Variants in DOCK2 observed in about 807,000 individuals in gnomAD.
DOCK2 encodes the protein dedicator of cytokinesis protein 2.
DOCK2 carries 87 observed loss-of-function variants against 248.9 expected under a neutral mutation model. The observed-to-expected ratio is 0.35, with a 90% CI of 0.29 to 0.42. The LOEUF (loss-of-function observed/expected upper bound fraction) is 0.42. Ranked by LOEUF, DOCK2 falls within the 10% of genes least tolerant of loss-of-function variation. The pLI, the probability that DOCK2 is intolerant of heterozygous loss-of-function variation, is 1.00. For synonymous variants in DOCK2, 805 were observed against 821.6 expected (o/e 0.98, Z 0.35); for missense variants, 1,747 against 2,300.2 (o/e 0.76, Z 4.92).
chr5:169,877,270 C>T (rs1385411737), intron 27 of DOCK2, among the ~76,000 whole-genome samples: 1 of 152,164 alleles, frequency 6.6e-6, no homozygotes, highest in Non-Finnish European at 1.5e-5. Context: ...GGGGGAGTGA[C>T]ATGGTCAGAT....
chr5:170,073,812 G>A (rs1017348608), intron 46 of DOCK2, among the ~76,000 whole-genome samples: 2 of 151,870 alleles, frequency 1.3e-5, no homozygotes, highest in Non-Finnish European at 2.9e-5. Flanking sequence ...TCCTAATATT[G>A]GTTATTAGTA....
chr5:169,747,936 A>T (rs1342216542), intron 23 of DOCK2, among the ~76,000 whole-genome samples: 1 of 152,246 alleles, frequency 6.6e-6, no homozygotes, highest in African/African-American at 2.4e-5. Context: ...TAATCTGTGA[A>T]GACTGCAAAT....
At chr5:169,721,270 A>C (rs1009468982) in intron 22 of DOCK2, among the ~76,000 whole-genome samples, 1 of 152,218 alleles carries the variant, frequency 6.6e-6, no homozygotes, top group African/African-American at 2.4e-5. Flanking sequence ...CATCACTGAC[A>C]TTTGGTCAGG....
At chr5:170,049,719 C>T (rs956303) in intron 40 of DOCK2, among the ~76,000 whole-genome samples, 40,285 of 152,084 alleles carry the variant, frequency 0.26, 5,802 homozygotes, top group African/African-American at 0.38. Flanking sequence ...AACCAAAAAA[C>T]GTTTCCAGAT....
At position 170,080,176 on chromosome 5, in the gene DOCK2, A is replaced by C; in HGVS notation, c.5180A>C (p.His1727Pro). 1 of 1,614,062 alleles carries C rather than the reference A, an allele frequency of 6.2e-7. No homozygotes were observed. Among genetic ancestry groups the C allele is most frequent in the Non-Finnish European group, 8.5e-7 (1 of 1,179,976 alleles). The change falls in exon 50 of 52, where the codon CAT becomes CCT. Residue 1727 changes from histidine (H) to proline (P), a missense_variant. This residue lies in a region of DOCK2 where 513 missense variants were observed against 586.1 expected (regional missense o/e 0.88). Transcript: ENST00000520908. Reference protein sequence around the residue: ...ESDLKRLSRKHEFMSDTNLSE... With the variant: ...ESDLKRLSRKPEFMSDTNLSE... ...GTATTCCTCCAGCTTTCCAGGAAGC[A>C]TGAGTTCATGAGTGACACCAACCTC...
chr5:169,755,907 C>T (rs551981755), intron 23 of DOCK2, among the ~76,000 whole-genome samples: 38 of 152,280 alleles, frequency 2.5e-4, no homozygotes, highest in Non-Finnish European at 5.0e-4. Context: ...TGCCTGTTGT[C>T]ACCTGCCCCA....
At chr5:170,080,036 G>T in intron 49 of DOCK2, 127 bp from the exon 50 acceptor site, 26 of 1,486,518 alleles carry the variant, frequency 1.7e-5, no homozygotes, top group East Asian at 7.0e-5. Flanking sequence ...CAGAATAAAT[G>T]AACTTGGAGC....
chr5:170,022,512 G>A (rs1438302126), intron 33 of DOCK2, among the ~76,000 whole-genome samples: 4 of 152,046 alleles, frequency 2.6e-5, no homozygotes, highest in East Asian at 1.9e-4. Flanking sequence ...AGACCATCTC[G>A]GGGGTCTCTG....
At chr5:170,062,411 A>G (rs1757364689) in intron 44 of DOCK2, among the ~76,000 whole-genome samples, 1 of 152,086 alleles carries the variant, frequency 6.6e-6, no homozygotes, top group South Asian at 2.1e-4. Context: ...AGGGACTTCT[A>G]CCTACCAGGC....
intron 33 of DOCK2, among the ~76,000 whole-genome samples, chr5:170,021,800 G>A (rs375048851): frequency 1.3e-5 from 2 of 152,144 alleles, no homozygotes; most frequent in Non-Finnish European, 2.9e-5. Flanking sequence ...TTGGTTCAGG[G>A]TAAGCAGTCA....
intron 25 of DOCK2, among the ~76,000 whole-genome samples, chr5:169,765,070 GCACACACACA>G (rs142755026): frequency 6.1e-5 from 9 of 146,498 alleles, no homozygotes; most frequent in Non-Finnish European, 9.0e-5. Context: ...CTCTTTTAGC[GCACACACACA>G]CACACACACA....
intron 27 of DOCK2, among the ~76,000 whole-genome samples, chr5:169,901,244 A>AC (rs1773907148): frequency 6.6e-6 from 1 of 152,166 alleles, no homozygotes; most frequent in Admixed American, 6.5e-5. Context: ...TGATGCAAGA[A>AC]AGGTATTTGG....
At chr5:169,737,158 C>T (rs1412098578) in intron 22 of DOCK2, among the ~76,000 whole-genome samples, 2 of 152,052 alleles carry the variant, frequency 1.3e-5, no homozygotes, top group East Asian at 3.9e-4. Flanking sequence ...TAAGCTGTGA[C>T]CTGAATGATG....
chr5:169,904,439 A>T (rs1054409424), intron 27 of DOCK2, among the ~76,000 whole-genome samples: 4 of 152,164 alleles, frequency 2.6e-5, no homozygotes, highest in African/African-American at 9.7e-5. Flanking sequence ...ACACCTCTCC[A>T]AAGTCTCACT....
At chr5:169,863,870 T>G (rs1771363583) in intron 27 of DOCK2, among the ~76,000 whole-genome samples, 1 of 152,192 alleles carries the variant, frequency 6.6e-6, no homozygotes, top group African/African-American at 2.4e-5. Context: ...ACCTTCCGGG[T>G]CTGCACAACA....
intron 24 of DOCK2, 131 bp from the exon 25 acceptor site, chr5:169,761,388 C>T (rs1764479982): frequency 2.9e-6 from 2 of 696,694 alleles, no homozygotes; most frequent in Admixed American, 4.6e-5. Context: ...GAAGGCTTAC[C>T]TTGCACCTCA....
chr5:169,774,061 C>A (rs1308623671), intron 25 of DOCK2, among the ~76,000 whole-genome samples: 1 of 152,048 alleles, frequency 6.6e-6, no homozygotes, highest in Non-Finnish European at 1.5e-5. Flanking sequence ...TGAAAATGGG[C>A]TAATACAAGC....
At chr5:170,059,673 G>T (rs915670373) in intron 44 of DOCK2, among the ~76,000 whole-genome samples, 1 of 152,130 alleles carries the variant, frequency 6.6e-6, no homozygotes, top group African/African-American at 2.4e-5. Flanking sequence ...TTTATTTTCT[G>T]CCATACCTCC....
chr5:169,799,960 A>G (rs1766869275), intron 25 of DOCK2, among the ~76,000 whole-genome samples: 1 of 152,018 alleles, frequency 6.6e-6, no homozygotes, highest in Admixed American at 6.6e-5. Context: ...ATCCATCACT[A>G]TGCCCAGCTA....
Sources: allele counts gnomAD v4.1 joint callset (sites outside exome capture counted in the v4.1 genomes callset), GRCh38; gene constraint gnomAD v4.1.1; regional missense constraint gnomAD v4.1.1; transcripts MANE v1.5; gene names NCBI Gene and HGNC (gene_info 2026-07-23, HGNC 2026-07-21).